The following GPATCH2 variants were observed in gnomAD, a reference collection of about 807,000 sequenced individuals.
The protein encoded by GPATCH2 is G patch domain-containing protein 2.
Under a neutral mutation model 58.0 loss-of-function variants are expected in GPATCH2, and 51 were observed. The ratio of observed to expected loss-of-function variants is 0.88; its 90% CI spans 0.70 to 1.11. The LOEUF (loss-of-function observed/expected upper bound fraction) is 1.11. Ranked by LOEUF, GPATCH2 falls within the 50% of genes most tolerant of loss-of-function variation. The pLI is 0.00. For missense variants in GPATCH2, 625 were observed against 652.2 expected (o/e 0.96, Z 0.45); for synonymous variants, 222 against 218.5 (o/e 1.02, Z -0.14).
At chr1:217,532,359 C>T (rs1008172079) in intron 5 of GPATCH2, among the ~76,000 whole-genome samples, 1 of 152,158 alleles carries the variant, frequency 6.6e-6, no homozygotes, top group Non-Finnish European at 1.5e-5. Flanking sequence ...GAGATTAAAA[C>T]AACTTACCTA....
intron 5 of GPATCH2, among the ~76,000 whole-genome samples, chr1:217,527,714 C>G (rs945149690): frequency 3.3e-5 from 5 of 152,124 alleles, no homozygotes; most frequent in Non-Finnish European, 5.9e-5. Flanking sequence ...CCAATTATAT[C>G]TATTAAATTC....
At chr1:217,483,607 T>G (rs958701964) in intron 8 of GPATCH2, among the ~76,000 whole-genome samples, 8 of 152,228 alleles carry the variant, frequency 5.3e-5, no homozygotes, top group Non-Finnish European at 1.0e-4. Flanking sequence ...TGTTTAACAT[T>G]TTAGGAAACT....
chr1:217,576,988 G>A (rs1245388420), intron 5 of GPATCH2, among the ~76,000 whole-genome samples: 2 of 152,070 alleles, frequency 1.3e-5, no homozygotes, highest in African/African-American at 2.4e-5. Flanking sequence ...ATAGGAATGT[G>A]CAAAGCAGAT....
At chr1:217,481,955 A>G (rs1438048582) in intron 8 of GPATCH2, among the ~76,000 whole-genome samples, 1 of 152,182 alleles carries the variant, frequency 6.6e-6, no homozygotes, top group East Asian at 1.9e-4. Context: ...TACAGTCATC[A>G]TAACAGCTAA....
chr1:217,603,824 T>A (rs1380767637), intron 5 of GPATCH2, among the ~76,000 whole-genome samples: 2 of 151,934 alleles, frequency 1.3e-5, no homozygotes, highest in Non-Finnish European at 1.5e-5. Context: ...GGCTTCACCA[T>A]GTTGGCCAGG....
At chr1:217,594,796 C>T (rs1667747606) in intron 5 of GPATCH2, among the ~76,000 whole-genome samples, 1 of 152,094 alleles carries the variant, frequency 6.6e-6, no homozygotes. Flanking sequence ...TTTGTGTGTG[C>T]ACATGTGTGT....
At chr1:217,542,607 G>A (rs896579797) in intron 5 of GPATCH2, among the ~76,000 whole-genome samples, 1 of 152,182 alleles carries the variant, frequency 6.6e-6, no homozygotes, top group Non-Finnish European at 1.5e-5. Flanking sequence ...GAAGGCGCCA[G>A]ATTTAGGACC....
chr1:217,491,858 A>C, intron 7 of GPATCH2, 108 bp from the exon 8 acceptor site: 11 of 382,504 alleles, frequency 2.9e-5, no homozygotes, highest in South Asian at 9.1e-5. Flanking sequence ...ATTTATTTGC[A>C]CGGCTTTTTT....
At chr1:217,481,562 T>G (rs1429481058) in intron 8 of GPATCH2, among the ~76,000 whole-genome samples, 1 of 152,088 alleles carries the variant, frequency 6.6e-6, no homozygotes, top group East Asian at 1.9e-4. Context: ...AAATTCAACT[T>G]AACAAGTGCC....
At chr1:217,572,583 T>C (rs1666620346) in intron 5 of GPATCH2, among the ~76,000 whole-genome samples, 1 of 152,204 alleles carries the variant, frequency 6.6e-6, no homozygotes, top group South Asian at 2.1e-4. Flanking sequence ...CAGAATCTTA[T>C]TAAAGACTAG....
intron 8 of GPATCH2, among the ~76,000 whole-genome samples, chr1:217,473,224 A>T (rs1302366793): frequency 6.6e-6 from 1 of 152,026 alleles, no homozygotes; most frequent in Non-Finnish European, 1.5e-5. Flanking sequence ...AAATCTAGAC[A>T]TCACTAGTAT....
chr1:217,529,113 C>A (rs1225161272), intron 5 of GPATCH2, among the ~76,000 whole-genome samples: 2 of 152,060 alleles, frequency 1.3e-5, no homozygotes, highest in Non-Finnish European at 2.9e-5. Flanking sequence ...CTCTGTAGTG[C>A]CACCATGGAG....
chr1:217,438,676 T>C (rs1020801513), intron 9 of GPATCH2, among the ~76,000 whole-genome samples: 11 of 151,854 alleles, frequency 7.2e-5, no homozygotes, highest in African/African-American at 2.4e-4. Flanking sequence ...GAAAAAAGAA[T>C]GAAAAGGAAT....
At chr1:217,575,036 G>T (rs1210936653) in intron 5 of GPATCH2, among the ~76,000 whole-genome samples, 1 of 152,192 alleles carries the variant, frequency 6.6e-6, no homozygotes, top group East Asian at 1.9e-4. Context: ...AAGTGATTTA[G>T]GTCTATGGCA....
intron 5 of GPATCH2, among the ~76,000 whole-genome samples, chr1:217,576,894 T>A (rs72747611): frequency 0.014 from 2,109 of 152,338 alleles, 19 homozygotes; most frequent in Middle Eastern, 0.027. Flanking sequence ...AGCAGATGAC[T>A]GAATATATTG....
chr1:217,499,813 A>T (rs1303150740), intron 6 of GPATCH2, among the ~76,000 whole-genome samples: 1 of 152,036 alleles, frequency 6.6e-6, no homozygotes, highest in Admixed American at 6.6e-5. Flanking sequence ...TAAAAGGATT[A>T]AAAACAGCAA....
chr1:217,563,832 G>A (rs1003463683), intron 5 of GPATCH2, among the ~76,000 whole-genome samples: 3 of 152,050 alleles, frequency 2.0e-5, no homozygotes, highest in Non-Finnish European at 4.4e-5. Context: ...ATCACCTGAG[G>A]TAAGGAGTTC....
At chr1:217,564,187 A>G (rs1175531681) in intron 5 of GPATCH2, among the ~76,000 whole-genome samples, 2 of 152,174 alleles carry the variant, frequency 1.3e-5, no homozygotes, top group African/African-American at 4.8e-5. Flanking sequence ...AAGTCCGATA[A>G]AAATCATCAC....
intron 8 of GPATCH2, among the ~76,000 whole-genome samples, chr1:217,451,408 C>G (rs1361066010): frequency 6.6e-6 from 1 of 152,120 alleles, no homozygotes; most frequent in African/African-American, 2.4e-5. Context: ...GAATGACAAC[C>G]TTCCTTTCTG....
Sources: allele counts gnomAD v4.1 joint callset (sites outside exome capture counted in the v4.1 genomes callset), GRCh38; gene constraint gnomAD v4.1.1; transcripts MANE v1.5; gene names NCBI Gene and HGNC (gene_info 2026-07-23, HGNC 2026-07-21).